Variants in RNF145 observed in about 807,000 individuals in gnomAD.
The protein encoded by RNF145 is ring finger protein 145.
In RNF145, 12 loss-of-function variants were observed where a neutral mutation model predicts 57.3. The observed-to-expected ratio is 0.21, with a 90% CI of 0.13 to 0.34. The LOEUF (loss-of-function observed/expected upper bound fraction) is 0.34, where lower values mean the gene tolerates loss of function less well. Among genes scored for constraint, RNF145 ranks in the 10% least tolerant of loss-of-function variants. The pLI is 1.00. For missense variants in RNF145, 429 were observed against 799.0 expected (o/e 0.54, Z 5.58); for synonymous variants, 262 against 288.3 (o/e 0.91, Z 0.92).
At chr5:159,195,048 A>G (rs1251604489) in intron 2 of RNF145, among the ~76,000 whole-genome samples, 1 of 152,196 alleles carries the variant, frequency 6.6e-6, no homozygotes, top group Non-Finnish European at 1.5e-5. Context: ...TCTCTACCTA[A>G]TAATCAAATA....
intron 8 of RNF145, among the ~76,000 whole-genome samples, chr5:159,163,898 A>T (rs1484254245): frequency 6.6e-6 from 1 of 152,136 alleles, no homozygotes; most frequent in Non-Finnish European, 1.5e-5. Flanking sequence ...CATTTCTCTA[A>T]ACCCTTTAGG....
intron 3 of RNF145, among the ~76,000 whole-genome samples, chr5:159,188,338 G>A (rs1347054611): frequency 6.6e-6 from 1 of 151,774 alleles, no homozygotes; most frequent in African/African-American, 2.4e-5. Flanking sequence ...AGTGAGCCAT[G>A]AGCCGAAATC....
In RNF145 at chr5:159,161,518, G is replaced by A. The variant is rs745724719; in HGVS notation, c.1374C>T (p.Tyr458=). 6.2e-7 allele frequency: 1 copy of A among 1,613,970 alleles called. No homozygotes were observed. Among genetic ancestry groups the A allele is most frequent in the Non-Finnish European group, 8.5e-7 (1 of 1,179,966 alleles). ...GGGCCACAAGAAACTCCAGCAGGCG[G>A]TAAGTGCCATTCACATAGTAGATGA... ...DDVIYYVNGT[Y]RLLEFLVALC... Residue 458 remains tyrosine (Y), a synonymous_variant, in exon 10 of 11, where the codon TAC becomes TAT. Coordinates refer to ENST00000424310, the MANE Select transcript of RNF145 (RefSeq NM_001199383.2).
intron 1 of RNF145, among the ~76,000 whole-genome samples, chr5:159,206,113 T>A (rs1785871531): frequency 1.3e-5 from 2 of 152,144 alleles, no homozygotes; most frequent in Non-Finnish European, 2.9e-5. Context: ...ACATTTCTAT[T>A]TCTATAAAGA....
Position 159,158,927 on chromosome 5 carries a change from T to G in RNF145, c.1735A>C (p.Lys579Gln). The change falls in exon 11 of 11, where the codon AAA becomes CAA. Residue 579 changes from lysine to glutamine, a missense_variant. By Grantham distance (53) the Lys-to-Gln change is moderately conservative (BLOSUM62 1). This residue lies in a region of RNF145 where 102 missense variants were observed against 106.2 expected (regional missense o/e 0.96). Transcript: ENST00000424310. ...AATCCTGGAAGCTGGGAGGAGTTTT[T>G]CAGATGGCAGTGGCACAGAGGGCAG... ...ETCPLCHCHLKNSSQLPGLGT... is the reference protein window; with the variant it reads ...ETCPLCHCHLQNSSQLPGLGT... 1 of 1,613,936 alleles carries G rather than the reference T, an allele frequency of 6.2e-7. No homozygotes were observed. Among genetic ancestry groups the G allele is most frequent in the Non-Finnish European group, 8.5e-7 (1 of 1,179,850 alleles).
At chr5:159,188,125 G>A (rs969595655) in intron 3 of RNF145, among the ~76,000 whole-genome samples, 3 of 152,122 alleles carry the variant, frequency 2.0e-5, no homozygotes, top group Admixed American at 6.5e-5. Context: ...GCTCATGCCT[G>A]TTATCCCAGC....
chr5:159,172,832 TG>T lies in RNF145; in HGVS notation c.797+1150del, dbSNP rs559915456. ...CTTAGTACACAGTCTTCCATCATAT[TG>T]GATGGCTGAGAAACAATGACTATTA... On this transcript the variant is annotated intron_variant, in intron 6 of 10. Coordinates refer to ENST00000424310, the MANE Select transcript of RNF145 (RefSeq NM_001199383.2). 3.9e-3 allele frequency among the ~76,000 whole-genome samples: 593 copies of T among 152,358 alleles called. 1 individual carries two copies. Among genetic ancestry groups the T allele is most frequent in the Middle Eastern group, 6.8e-3 (2 of 294 alleles).
At chr5:159,181,358 A>G (rs1344863452) in intron 4 of RNF145, among the ~76,000 whole-genome samples, 1 of 152,018 alleles carries the variant, frequency 6.6e-6, no homozygotes, top group Non-Finnish European at 1.5e-5. Flanking sequence ...CTAATCTCTA[A>G]TATTAGGCCT....
chr5:159,187,825 T>C (rs1785135710), intron 3 of RNF145, among the ~76,000 whole-genome samples: 1 of 152,154 alleles, frequency 6.6e-6, no homozygotes, highest in South Asian at 2.1e-4. Context: ...AAAATACTAG[T>C]ATCCCTGAGA....
intron 1 of RNF145, among the ~76,000 whole-genome samples, chr5:159,208,741 G>A (rs962997918): frequency 1.4e-4 from 21 of 151,998 alleles, no homozygotes; most frequent in African/African-American, 5.1e-4. Context: ...AGGCAAAAGA[G>A]GCAAAGTTGG....
chr5:159,204,406 A>T (rs1221137664), intron 1 of RNF145, among the ~76,000 whole-genome samples: 1 of 151,782 alleles, frequency 6.6e-6, no homozygotes, highest in African/African-American at 2.4e-5. Flanking sequence ...CAGGGGGAGG[A>T]GGAAATGAAA....
At chr5:159,205,792 T>A (rs1474024267) in intron 1 of RNF145, among the ~76,000 whole-genome samples, 2 of 152,212 alleles carry the variant, frequency 1.3e-5, no homozygotes, top group African/African-American at 4.8e-5. Flanking sequence ...TATTACTGAT[T>A]TAACACTTGT....
intron 2 of RNF145, among the ~76,000 whole-genome samples, chr5:159,195,628 T>A (rs1442071760): frequency 6.6e-6 from 1 of 152,190 alleles, no homozygotes; most frequent in African/African-American, 2.4e-5. Flanking sequence ...ATGGATTTCC[T>A]CTTACCCTCT....
intron 8 of RNF145, among the ~76,000 whole-genome samples, chr5:159,167,869 G>A (rs1217997522): frequency 1.3e-5 from 2 of 152,248 alleles, no homozygotes; most frequent in East Asian, 3.9e-4. Context: ...AGATGAATCT[G>A]ATGTACTATA....
intron 3 of RNF145, among the ~76,000 whole-genome samples, chr5:159,192,531 T>C (rs1373779842): frequency 6.6e-6 from 1 of 152,178 alleles, no homozygotes; most frequent in Admixed American, 6.5e-5. Context: ...TGGCTATACA[T>C]AAAATACCAT....
chr5:159,183,234 C>A (rs1215113779), intron 3 of RNF145, among the ~76,000 whole-genome samples: 1 of 152,112 alleles, frequency 6.6e-6, no homozygotes, highest in Non-Finnish European at 1.5e-5. Flanking sequence ...AAAGAGGAAG[C>A]CAAATTCTCA....
rs969253790 is a variant in RNF145 at position 159,158,070 on chromosome 5, CACAT to C, written c.*596_*599del. ...GTGCCCACCCACCCCTTCCCTAAAG[CACAT>C]ACAAAGTATGAGCGTGCTTCAATCT... On this transcript the variant is annotated 3_prime_UTR_variant, in exon 11 of 11. Coordinates refer to ENST00000424310, the MANE Select transcript of RNF145 (RefSeq NM_001199383.2). 5 of 152,344 alleles carry C rather than the reference CACAT, an allele frequency of 3.3e-5. No individual in the cohort carries two copies. Among genetic ancestry groups the C allele is most frequent in the South Asian group, 2.1e-4 (1 of 4,816 alleles). The allele number at this position is 152,344 out of a possible 1,614,324, so 9.4% of individuals were successfully genotyped here.
intron 8 of RNF145, among the ~76,000 whole-genome samples, chr5:159,165,708 AAAAAAAAAAAAAAAAAAAAAAAAAAT>A (rs1784370718): frequency 7.0e-6 from 1 of 143,840 alleles, no homozygotes; most frequent in Non-Finnish European, 1.5e-5. Context: ...AAAAAAAAAA[AAAAAAAAAAAAAAAAAAAAAAAAAAT>A]AATAATATCC....
At chr5:159,176,480 G>A (rs1173018118) in intron 5 of RNF145, 152 bp downstream of exon 5, 2 of 581,640 alleles carry the variant, frequency 3.4e-6, no homozygotes, top group East Asian at 5.8e-5. Flanking sequence ...GAATCTTTCA[G>A]ATGCTCCTAA....
Sources: gnomAD v4.1 joint callset for allele counts (sites outside exome capture counted in the v4.1 genomes callset) on GRCh38, gnomAD v4.1.1 for gene constraint, gnomAD v4.1.1 regional missense constraint, MANE v1.5 for transcripts, NCBI Gene and HGNC (gene_info 2026-07-23, HGNC 2026-07-21) for gene names.